The following STK32B variants were observed in gnomAD, a reference collection of about 807,000 sequenced individuals.
STK32B encodes serine/threonine-protein kinase 32B.
STK32B carries 43 observed loss-of-function variants against 52.6 expected under a neutral mutation model. The ratio of observed to expected loss-of-function variants is 0.82; its 90% CI spans 0.64 to 1.05. The LOEUF (loss-of-function observed/expected upper bound fraction) is 1.05, where lower values mean the gene tolerates loss of function less well. Ranked by LOEUF, STK32B falls within the 50% of genes least tolerant of loss-of-function variation. The pLI is 0.00. For missense variants in STK32B, 621 were observed against 534.6 expected (o/e 1.16, Z -1.59); for synonymous variants, 238 against 204.3 (o/e 1.17, Z -1.41).
At chr4:5,139,579 G>A (rs907017374) in intron 1 of STK32B, 8 of 303,016 alleles carry the variant, frequency 2.6e-5, no homozygotes, top group South Asian at 1.3e-4. Context: ...TGGCAAGGCC[G>A]TACATTGTTG....
At chr4:5,053,358 G>A (rs892341635) in intron 1 of STK32B, among the ~76,000 whole-genome samples, 10 of 152,138 alleles carry the variant, frequency 6.6e-5, no homozygotes, top group African/African-American at 2.2e-4. Flanking sequence ...GAGGAGAGGT[G>A]GGCACAGAGG....
intron 3 of STK32B, among the ~76,000 whole-genome samples, chr4:5,327,005 G>A (rs1731922402): frequency 6.6e-6 from 1 of 152,080 alleles, no homozygotes; most frequent in Non-Finnish European, 1.5e-5. Context: ...TTAACAATGT[G>A]TACAGCACCT....
intron 3 of STK32B, among the ~76,000 whole-genome samples, chr4:5,198,404 T>C (rs1014350338): frequency 5.3e-5 from 8 of 152,190 alleles, no homozygotes; most frequent in African/African-American, 1.4e-4. Context: ...CTTATACTTG[T>C]TTTAATACGT....
At chr4:5,160,713 G>C (rs892402303) in intron 2 of STK32B, among the ~76,000 whole-genome samples, 1 of 152,180 alleles carries the variant, frequency 6.6e-6, no homozygotes, top group Non-Finnish European at 1.5e-5. Flanking sequence ...ATGATGCAGT[G>C]AACGTAAGAG....
At chr4:5,153,130 C>G (rs1717509521) in intron 2 of STK32B, among the ~76,000 whole-genome samples, 1 of 152,196 alleles carries the variant, frequency 6.6e-6, no homozygotes, top group Admixed American at 6.5e-5. Flanking sequence ...TTGAAACTGG[C>G]TTCTATCACA....
At chr4:5,132,096 A>G (rs1715811715) in intron 1 of STK32B, among the ~76,000 whole-genome samples, 1 of 152,194 alleles carries the variant, frequency 6.6e-6, no homozygotes, top group Admixed American at 6.5e-5. Flanking sequence ...TGCTGCAAAG[A>G]ACATGATCTT....
At chr4:5,439,447 G>A (rs1471440444) in intron 6 of STK32B, among the ~76,000 whole-genome samples, 1 of 151,858 alleles carries the variant, frequency 6.6e-6, no homozygotes, top group Non-Finnish European at 1.5e-5. Context: ...TTTTGATGGG[G>A]TTGTTTGTTT....
At chr4:5,432,906 C>T (rs1015416031) in intron 6 of STK32B, among the ~76,000 whole-genome samples, 1 of 152,174 alleles carries the variant, frequency 6.6e-6, no homozygotes, top group African/African-American at 2.4e-5. Context: ...GTTATTCCTT[C>T]TTACAGATGA....
intron 11 of STK32B, among the ~76,000 whole-genome samples, chr4:5,487,140 A>G (rs537501760): frequency 7.9e-5 from 12 of 152,284 alleles, no homozygotes; most frequent in African/African-American, 2.4e-4. Context: ...ACCAGAATGG[A>G]TCTGTCCCAG....
At position 5,453,792 on chromosome 4, in the gene STK32B, C is replaced by G. The variant is rs1266426225; in HGVS notation, c.667-3015C>G. ...TGGTGACGCGTGCCTGTAATCCCAG[C>G]TACTTGGGAGACTGAGGCAGGAGAA... On this transcript the variant is annotated intron_variant, in intron 7 of 11. Transcript: ENST00000282908. The surrounding 1 kb of genome is among the most constrained non-coding windows in gnomAD (Gnocchi z 4.0). 1.3e-5 allele frequency among the ~76,000 whole-genome samples: 2 copies of G among 152,048 alleles called. No individual in the cohort carries two copies. Among genetic ancestry groups the G allele is most frequent in the Admixed American group, 6.5e-5 (1 of 15,272 alleles).
At chr4:5,095,150 C>CAT (rs759627117) in intron 1 of STK32B, among the ~76,000 whole-genome samples, 383 of 152,162 alleles carry the variant, frequency 2.5e-3, no homozygotes, top group Non-Finnish European at 4.1e-3. Flanking sequence ...GGGCTAGGGA[C>CAT]ATTTTCGTGA....
At chr4:5,195,135 G>T (rs533289993) in intron 3 of STK32B, among the ~76,000 whole-genome samples, 6 of 152,038 alleles carry the variant, frequency 3.9e-5, no homozygotes, top group African/African-American at 1.4e-4. Context: ...GTGCATTGGC[G>T]CAATCGTAGC....
intron 1 of STK32B, among the ~76,000 whole-genome samples, chr4:5,108,362 A>G (rs1714220376): frequency 6.6e-6 from 1 of 151,628 alleles, no homozygotes; most frequent in Admixed American, 6.6e-5. Flanking sequence ...AGTTTTTTGG[A>G]TATTCATTTT....
intron 1 of STK32B, among the ~76,000 whole-genome samples, chr4:5,081,330 A>G (rs950234113): frequency 3.3e-5 from 5 of 152,084 alleles, no homozygotes; most frequent in Non-Finnish European, 7.4e-5. Flanking sequence ...TTTGATTGCA[A>G]TGTGTTTTTG....
Position 5,469,634 on chromosome 4 carries a change from AC to A in STK32B, c.1106+1567del, listed in dbSNP as rs1280131040. Among the ~76,000 whole-genome samples, 5 of 152,110 alleles carry A rather than the reference AC, an allele frequency of 3.3e-5. No homozygotes were observed. Among genetic ancestry groups the A allele is most frequent in the Non-Finnish European group, 7.4e-5 (5 of 67,998 alleles). On this transcript the variant is annotated intron_variant, in intron 11 of 11. Coordinates refer to ENST00000282908, the MANE Select transcript of STK32B (RefSeq NM_018401.3). This position sits in a 1 kb window ranked among gnomAD's most constrained non-coding sequence, Gnocchi z 4.7. ...CAAAGGAGGCAGCAGCCTTTCACTG[AC>A]CCTGAGTGGCTATAGCTCTGAGGGC... is the stretch of plus-strand genomic sequence containing the variant.
rs377256426 is a variant in STK32B at position 5,184,101 on chromosome 4, C to A, written c.260+15651C>A. Among the ~76,000 whole-genome samples, 77 of 152,270 alleles carry A rather than the reference C, an allele frequency of 5.1e-4. No individual in the cohort carries two copies. The South Asian group carries it at 0.016, about 31-fold the overall frequency. ...TGCATTCAGAACTTGGCTAACTGCT[C>A]GGCAAAAGAACCCCAGCTTTTAACC... On this transcript the variant is annotated intron_variant, in intron 3 of 11. Coordinates refer to ENST00000282908, the MANE Select transcript of STK32B (RefSeq NM_018401.3).
At chr4:5,442,689 C>T (rs1714905895) in intron 6 of STK32B, among the ~76,000 whole-genome samples, 1 of 152,250 alleles carries the variant, frequency 6.6e-6, no homozygotes. Context: ...GATGCAGTTT[C>T]TTCCTAGTCT....
chr4:5,137,452 C>A (rs1716143508), intron 1 of STK32B, among the ~76,000 whole-genome samples: 1 of 152,098 alleles, frequency 6.6e-6, no homozygotes, highest in African/African-American at 2.4e-5. Context: ...GGCAAGAGGC[C>A]ACGGATGTGT....
chr4:5,154,876 G>C (rs1229678867), intron 2 of STK32B, among the ~76,000 whole-genome samples: 1 of 152,192 alleles, frequency 6.6e-6, no homozygotes, highest in Non-Finnish European at 1.5e-5. Flanking sequence ...GGTCTAGACA[G>C]CAGCCAGGGA....
Sources: allele counts gnomAD v4.1 joint callset (sites outside exome capture counted in the v4.1 genomes callset), GRCh38; gene constraint gnomAD v4.1.1; non-coding constraint Gnocchi (gnomAD v3.1); transcripts MANE v1.5; gene names NCBI Gene and HGNC (gene_info 2026-07-23, HGNC 2026-07-21).